Variants in MIA2 observed in about 807,000 individuals in gnomAD.
The protein encoded by MIA2 is melanoma inhibitory activity protein 2.
MIA2 carries 127 observed loss-of-function variants against 167.8 expected under a neutral mutation model. The observed-to-expected ratio is 0.76, with a 90% CI of 0.66 to 0.88. The LOEUF (loss-of-function observed/expected upper bound fraction) is 0.88, where lower values mean the gene tolerates loss of function less well. Ranked by LOEUF, MIA2 falls within the 40% of genes least tolerant of loss-of-function variation. The probability of loss-of-function intolerance (pLI) is 0.00; values close to 1 mark genes in which losing one functional copy is unlikely to be tolerated. For synonymous variants in MIA2, 552 were observed against 541.9 expected (o/e 1.02, Z -0.26); for missense variants, 1,690 against 1,624.7 (o/e 1.04, Z -0.69).
At chr14:39,285,606 G>C (rs1464872969) in intron 9 of MIA2, among the ~76,000 whole-genome samples, 16 of 149,656 alleles carry the variant, frequency 1.1e-4, no homozygotes, top group African/African-American at 3.2e-4. Context: ...GCGGCTGGCC[G>C]GGCGGGGGCT....
intron 25 of MIA2, among the ~76,000 whole-genome samples, chr14:39,344,802 C>T (rs2072861034): frequency 6.6e-6 from 1 of 152,186 alleles, no homozygotes; most frequent in Admixed American, 6.5e-5. Context: ...AGCAGTCTGA[C>T]ATCACCTTTC....
At chr14:39,349,046 A>C in intron 28 of MIA2, 69 bp downstream of exon 28, 1 of 1,536,506 alleles carries the variant, frequency 6.5e-7, no homozygotes, top group Non-Finnish European at 9.0e-7. Flanking sequence ...TAATTTTACT[A>C]TCTGTTAATG....
chr14:39,253,221 A>G, intron 6 of MIA2, 50 bp downstream of exon 6: 6 of 1,596,500 alleles, frequency 3.8e-6, no homozygotes, highest in Non-Finnish European at 5.1e-6. Flanking sequence ...ATTTTGCTAA[A>G]TATAAGAGTG....
chr14:39,290,918 A>G, intron 9 of MIA2, 101 bp from the exon 10 acceptor site: 1 of 1,053,020 alleles, frequency 9.5e-7, no homozygotes, highest in East Asian at 2.7e-5. Context: ...AATTTAATGT[A>G]TTATGTGGAA....
chr14:39,311,069 TG>T (rs2064154126), intron 18 of MIA2, among the ~76,000 whole-genome samples: 1 of 152,208 alleles, frequency 6.6e-6, no homozygotes, highest in African/African-American at 2.4e-5. Flanking sequence ...TGATGAGTAA[TG>T]TTTAACATTT....
chr14:39,325,870 T>C (rs984342414), intron 24 of MIA2, among the ~76,000 whole-genome samples: 2 of 151,426 alleles, frequency 1.3e-5, no homozygotes, highest in East Asian at 1.9e-4. Flanking sequence ...CCTGCCACCA[T>C]GCCTGGCTAA....
At chr14:39,374,761 A>G (rs1043335097) in intron 23 of MIA2, among the ~76,000 whole-genome samples, 7 of 152,246 alleles carry the variant, frequency 4.6e-5, no homozygotes, top group African/African-American at 7.2e-5. Context: ...AGACTGACCC[A>G]GTAGCCTCTG....
intron 23 of MIA2, among the ~76,000 whole-genome samples, chr14:39,373,857 T>C (rs1438605225): frequency 6.6e-6 from 1 of 151,352 alleles, no homozygotes. Context: ...GAGAAAACAG[T>C]CATAAGAAAA....
chr14:39,298,443 A>ATATATATATATATATATATATGTG (rs1372100362), intron 13 of MIA2, among the ~76,000 whole-genome samples: 1 of 50,056 alleles, frequency 2.0e-5, no homozygotes, highest in Non-Finnish European at 3.5e-5. Flanking sequence ...ATATATATAT[A>ATATATATATATATATATATATGTG]AAGATTAGTT....
intron 13 of MIA2, among the ~76,000 whole-genome samples, chr14:39,298,581 C>CT (rs1301629984): frequency 1.0e-5 from 1 of 97,936 alleles, no homozygotes; most frequent in Non-Finnish European, 1.9e-5. Flanking sequence ...TTTATTTCAC[C>CT]TGGGTGCGCA....
At chr14:39,288,472 TA>T (rs1463511079) in intron 9 of MIA2, among the ~76,000 whole-genome samples, 220 of 50,516 alleles carry the variant, frequency 4.4e-3, no homozygotes, top group South Asian at 8.0e-3. Flanking sequence ...TATATATATA[TA>T]TATTTTTTTT....
At chr14:39,322,685 CT>C (rs1312731273) in intron 24 of MIA2, among the ~76,000 whole-genome samples, 1 of 152,048 alleles carries the variant, frequency 6.6e-6, no homozygotes, top group Non-Finnish European at 1.5e-5. Flanking sequence ...GCCCTAGTAC[CT>C]TTGAAAACTC....
chr14:39,351,762 C>T (rs1295794947), downstream of MIA2, among the ~76,000 whole-genome samples: 3 of 152,318 alleles, frequency 2.0e-5, no homozygotes, highest in East Asian at 1.9e-4. Flanking sequence ...TCCACCACCA[C>T]ATCTGGCGAA....
intron 9 of MIA2, among the ~76,000 whole-genome samples, chr14:39,289,936 T>C (rs1428251331): frequency 6.6e-6 from 1 of 152,236 alleles, no homozygotes; most frequent in Non-Finnish European, 1.5e-5. Flanking sequence ...TTCTATCTTA[T>C]ATCATTCTTT....
intron 3 of MIA2, among the ~76,000 whole-genome samples, chr14:39,244,261 G>C (rs1178776760): frequency 6.6e-6 from 1 of 152,218 alleles, no homozygotes; most frequent in African/African-American, 2.4e-5. Flanking sequence ...CTTGGGAAAG[G>C]GGGATTCTAC....
intron 13 of MIA2, among the ~76,000 whole-genome samples, chr14:39,297,209 T>C (rs2061553154): frequency 6.6e-6 from 1 of 152,118 alleles, no homozygotes; most frequent in Non-Finnish European, 1.5e-5. Flanking sequence ...TTCTCCTGCC[T>C]CAGCCTCCCG....
In MIA2 at chr14:39,336,732, G is replaced by A. The variant is rs141531284; in HGVS notation, c.3656-9172G>A. 2.8e-3 allele frequency among the ~76,000 whole-genome samples: 431 copies of A among 152,226 alleles called. 2 individuals carry two copies. The highest frequency in any genetic ancestry group is 9.6e-3 in the African/African-American group (399 of 41,554). On this transcript the variant is annotated intron_variant, in intron 25 of 28. Transcript: ENST00000640607. ...GGTTTTCACTCCTTTATCTTTTAGT[G>A]TGATTTTAAAAATTTATTAAAAAAT...
chr14:39,276,990 A>C lies in MIA2; in HGVS notation c.1944A>C (p.Pro648=), dbSNP rs561013872. 2 of 1,613,816 alleles carry C rather than the reference A, an allele frequency of 1.2e-6. No individual in the cohort carries two copies. The highest frequency in any genetic ancestry group is 3.3e-5 in the Admixed American group (2 of 59,992). Residue 648 remains proline (P), a synonymous_variant, in exon 7 of 29, where the codon CCA becomes CCC. Transcript: ENST00000640607. ...MRPDSNLYGF[P]WELVICAAVV... is the part of the protein sequence containing the mutation. ...CAGATTCTAATCTTTATGGTTTTCC[A>C]TGGGAATTGGTGATATGTGCAGCTG...
intron 13 of MIA2, among the ~76,000 whole-genome samples, chr14:39,296,536 C>A (rs1015297129): frequency 6.6e-6 from 1 of 151,636 alleles, no homozygotes; most frequent in East Asian, 1.9e-4. Context: ...CCGCCTCGGC[C>A]TCCCAAAGTG....
Sources: gnomAD v4.1 joint callset for allele counts (sites outside exome capture counted in the v4.1 genomes callset) on GRCh38, gnomAD v4.1.1 for gene constraint, MANE v1.5 for transcripts, NCBI Gene and HGNC (gene_info 2026-07-23, HGNC 2026-07-21) for gene names.